Variants in RICTOR observed in about 807,000 individuals in gnomAD.
RICTOR encodes the protein rapamycin-insensitive companion of mTOR.
A neutral mutation model predicts 214.9 loss-of-function variants in RICTOR; 49 were observed. The ratio of observed to expected loss-of-function variants is 0.23; its 90% CI spans 0.18 to 0.29. The LOEUF is 0.29. RICTOR is among the 10% of genes least tolerant of loss of function. RICTOR has a pLI of 1.00. For synonymous variants in RICTOR, 717 were observed against 711.3 expected (o/e 1.01, Z -0.13); for missense variants, 1,625 against 2,047.0 (o/e 0.79, Z 3.98).
chr5:39,020,847 A>G (rs1755365718), intron 3 of RICTOR, among the ~76,000 whole-genome samples, 192 bp downstream of exon 3: 1 of 152,240 alleles, frequency 6.6e-6, no homozygotes, highest in Non-Finnish European at 1.5e-5. Context: ...TTCTGTAACA[A>G]AGATATAATT....
chr5:38,990,635 C>CAGATATATGATATATATCAGATATATA lies in RICTOR; in HGVS notation c.583+313_583+314insTATATATCTGATATATATCATATATCT. 5.2e-3 allele frequency among the ~76,000 whole-genome samples: 240 copies of CAGATATATGATATATATCAGATATATA among 46,056 alleles called. 16 individuals are homozygous for CAGATATATGATATATATCAGATATATA. The highest frequency in any genetic ancestry group is 0.018 in the African/African-American group (228 of 12,734). The allele number at this position is 46,056 out of a possible 152,430, so 30.2% of individuals were successfully genotyped here. On this transcript the variant is annotated intron_variant, in intron 7 of 37. Transcript: ENST00000357387. Reference sequence around the variant, plus strand: ...TATATACGATATATGATATATATATCTGACATATATCAGATATATGATATA... The same window carrying CAGATATATGATATATATCAGATATATA: ...TATATACGATATATGATATATATATCAGATATATGATATATATCAGATATATATGACATATATCAGATATATGATATA...
chr5:38,947,409 T>C lies in RICTOR; in HGVS notation c.4169A>G (p.Asp1390Gly). 3 of 1,611,682 alleles carry C rather than the reference T, an allele frequency of 1.9e-6. No homozygotes were observed. Among genetic ancestry groups the C allele is most frequent in the Non-Finnish European group, 2.5e-6 (3 of 1,177,966 alleles). ...FMKALSYASL[D>G]KEDLLSPINQ... ...AATAGGACTCAATAAATCTTCTTTATCTAATGATGCATAACTTAAGGCTTT... is the reference window on the plus strand; with the variant it reads ...AATAGGACTCAATAAATCTTCTTTACCTAATGATGCATAACTTAAGGCTTT... Residue 1390 changes from aspartate (D) to glycine (G), a missense_variant, in exon 32 of 38, where the codon GAT (aspartate) becomes GGT (glycine). Physicochemically the swap from Asp to Gly is moderately conservative, Grantham distance 94. Coordinates refer to ENST00000357387, the MANE Select transcript of RICTOR (RefSeq NM_152756.5).
intron 3 of RICTOR, among the ~76,000 whole-genome samples, chr5:39,018,301 A>T (rs1755121644): frequency 6.6e-6 from 1 of 152,114 alleles, no homozygotes; most frequent in Non-Finnish European, 1.5e-5. Flanking sequence ...CATCAGGAAA[A>T]GAGAAAGTTA....
rs1219069316 is a variant in RICTOR, at chr5:38,950,618, C to A, written c.3230G>T (p.Gly1077Val). The change falls in exon 31 of 38, where the codon GGA (glycine) becomes GTA (valine). Residue 1077 changes from glycine to valine, a missense_variant. This residue lies in a region of RICTOR where 1,214 missense variants were observed against 1,470.5 expected (regional missense o/e 0.83). Coordinates refer to ENST00000357387, the MANE Select transcript of RICTOR (RefSeq NM_152756.5). ...GAATGAATTTTTATCCTTTATGGGT[C>A]CAGATCGGTCATAAAATGTTGGCTC... is the stretch of plus-strand genomic sequence containing the variant. ...DTEPTFYDRS[G>V]PIKDKNSFPF... is the part of the protein sequence containing the mutation. 1 of 1,613,004 alleles carries A rather than the reference C, an allele frequency of 6.2e-7. No individual in the cohort carries two copies. Among genetic ancestry groups the A allele is most frequent in the Non-Finnish European group, 8.5e-7 (1 of 1,179,294 alleles).
In RICTOR at chr5:38,942,099, CA is replaced by C; in HGVS notation, c.*204del. 2.5e-6 allele frequency: 1 copy of C among 400,644 alleles called. No homozygotes were observed. Among genetic ancestry groups the C allele is most frequent in the Non-Finnish European group, 4.5e-6 (1 of 220,362 alleles). 24.8% of individuals were successfully genotyped at this position (400,644 alleles called of 1,614,324 possible). On this transcript the variant is annotated 3_prime_UTR_variant, in exon 38 of 38. Coordinates refer to ENST00000357387, the MANE Select transcript of RICTOR (RefSeq NM_152756.5). ...CTGTGGTAATGAATCATGAACCCCT[CA>C]AAAGGCTCAACAAAGGAGAGAAGGA...
In RICTOR at chr5:38,947,460, A is replaced by AC. The variant is rs1748336002; in HGVS notation, c.4137-20dup. On this transcript the variant is annotated intron_variant, in intron 31 of 37. Transcript: ENST00000357387. ...CATGAACCTATAAAACCATAAAGAA[A>AC]CCACTTGCATTAGTTTCTTGATCTG... 1 of 1,557,406 alleles carries AC rather than the reference A, an allele frequency of 6.4e-7. No individual in the cohort carries two copies. The highest frequency in any genetic ancestry group is 1.1e-5 in the South Asian group (1 of 88,986).
chr5:39,058,022 T>C (rs912321709), intron 2 of RICTOR, among the ~76,000 whole-genome samples: 1 of 152,086 alleles, frequency 6.6e-6, no homozygotes, highest in Non-Finnish European at 1.5e-5. Flanking sequence ...ATTTTAAAAG[T>C]GTATGCTAAA....
At position 39,022,496 on chromosome 5, in the gene RICTOR, G is replaced by T; in HGVS notation, c.98-1360C>A. On this transcript the variant is annotated intron_variant, in intron 2 of 37. Coordinates refer to ENST00000357387, the MANE Select transcript of RICTOR (RefSeq NM_152756.5). The stretch of plus-strand genomic sequence containing the variant: ...TGTGCAACTAGAAGGTCATCAAAAT[G>T]ACCTCGCATCAGACCCATGAAGGGA... The T allele has an allele frequency of 1.9e-5, 3 of 154,538 alleles. No individual in the cohort carries two copies. In the South Asian group the frequency reaches 5.5e-4, roughly 28 times the overall value. The allele number at this position is 154,538 out of a possible 1,614,324, so 9.6% of individuals were successfully genotyped here. A position where few individuals can be genotyped will look rare whatever the true frequency, so the allele number is the denominator to read the frequency against.
At chr5:38,981,787 TA>T (rs745793381) in intron 8 of RICTOR, 79 bp downstream of exon 8, 1 of 937,532 alleles carries the variant, frequency 1.1e-6, no homozygotes, top group African/African-American at 1.7e-5. Context: ...GTGCTGCATC[TA>T]TAAAATTTAG....
intron 2 of RICTOR, among the ~76,000 whole-genome samples, chr5:39,073,827 A>G (rs998762044): frequency 6.6e-6 from 1 of 152,148 alleles, no homozygotes; most frequent in East Asian, 1.9e-4. Flanking sequence ...TCGAGCCCAG[A>G]GGGTCGCCGG....
intron 3 of RICTOR, among the ~76,000 whole-genome samples, chr5:39,010,325 G>C (rs1239273): frequency 0.041 from 6,197 of 152,282 alleles, 227 homozygotes; most frequent in African/African-American, 0.088. Context: ...ATGCAGAACT[G>C]TAAGTCAATT....
chr5:39,071,887 A>G (rs1257376823), intron 2 of RICTOR, among the ~76,000 whole-genome samples: 1 of 152,250 alleles, frequency 6.6e-6, no homozygotes, highest in African/African-American at 2.4e-5. Flanking sequence ...CTTTTTACAT[A>G]CTGTAATCTA....
chr5:39,020,974 A>G, intron 3 of RICTOR, 65 bp downstream of exon 3: 1 of 822,432 alleles, frequency 1.2e-6, no homozygotes, highest in South Asian at 1.4e-5. Flanking sequence ...ATGGTCAAGA[A>G]ACATTTAGTA....
intron 9 of RICTOR, among the ~76,000 whole-genome samples, chr5:38,976,156 T>C (rs1233519473): frequency 1.3e-5 from 2 of 152,354 alleles, no homozygotes; most frequent in African/African-American, 2.4e-5. Context: ...ACAATAGTTA[T>C]GACAATTAAG....
intron 2 of RICTOR, among the ~76,000 whole-genome samples, chr5:39,033,977 G>A (rs911964572): frequency 1.3e-5 from 2 of 151,796 alleles, no homozygotes; most frequent in African/African-American, 4.8e-5. Flanking sequence ...TCCTCTTTCT[G>A]TGTACACAAA....
chr5:38,953,325 T>C (rs2115948), intron 28 of RICTOR, 136 bp downstream of exon 28: 523,790 of 540,410 alleles, frequency 0.97, 254,167 homozygotes, highest in East Asian at 0.99. Flanking sequence ...ACACTTATAT[T>C]GGCAGGAACA....
chr5:38,996,607 T>C (rs1449014571), intron 6 of RICTOR, among the ~76,000 whole-genome samples: 1 of 152,226 alleles, frequency 6.6e-6, no homozygotes, highest in African/African-American at 2.4e-5. Flanking sequence ...TAAGAAATAT[T>C]GCCCTACCTA....
chr5:38,967,296 GA>G, intron 13 of RICTOR, 40 bp downstream of exon 13: 1 of 1,595,596 alleles, frequency 6.3e-7, no homozygotes, highest in Non-Finnish European at 8.6e-7. Context: ...ATAAAAACCC[GA>G]ATTCTAATAA....
rs1309535484 is a variant in RICTOR at position 38,957,959 on chromosome 5, C to T, written c.2421-229G>A. 2.6e-5 allele frequency among the ~76,000 whole-genome samples: 4 copies of T among 152,094 alleles called. No individual in the cohort carries two copies. In the East Asian group the frequency reaches 7.7e-4, roughly 29 times the overall value. Reference sequence around the variant, plus strand: ...CAATCACAATAAAGAAAATGTCAGCCAGGCACGGGGGCTCACGCCTGTAAT... The same window carrying T: ...CAATCACAATAAAGAAAATGTCAGCTAGGCACGGGGGCTCACGCCTGTAAT... On this transcript the variant is annotated intron_variant, in intron 24 of 37. Coordinates refer to ENST00000357387, the MANE Select transcript of RICTOR (RefSeq NM_152756.5).
Sources: gnomAD v4.1 joint callset for allele counts (sites outside exome capture counted in the v4.1 genomes callset) on GRCh38, gnomAD v4.1.1 for gene constraint, gnomAD v4.1.1 regional missense constraint, MANE v1.5 for transcripts, NCBI Gene and HGNC (gene_info 2026-07-23, HGNC 2026-07-21) for gene names.